DLGAP2: variants seen among roughly 807,000 people sequenced by gnomAD.
The protein encoded by DLGAP2 is disks large-associated protein 2.
DLGAP2 carries 26 observed loss-of-function variants against 100.3 expected under a neutral mutation model. The observed-to-expected ratio is 0.26, with a 90% CI of 0.19 to 0.36. The LOEUF is 0.36. Ranked by LOEUF, DLGAP2 falls within the 10% of genes least tolerant of loss-of-function variation. The probability of loss-of-function intolerance (pLI) is 1.00; values close to 1 mark genes in which losing one functional copy is unlikely to be tolerated. For synonymous variants in DLGAP2, 886 were observed against 630.1 expected (o/e 1.41, Z -6.08); for missense variants, 1,858 against 1,453.2 (o/e 1.28, Z -4.53).
intron 4 of DLGAP2, among the ~76,000 whole-genome samples, chr8:1,508,725 A>G (rs369899150): frequency 6.6e-6 from 1 of 150,778 alleles, no homozygotes; most frequent in East Asian, 2.1e-4. Context: ...CAGGAGGGAA[A>G]TGAACCCAGT....
At chr8:1,645,881 A>T (rs1289100008) in intron 8 of DLGAP2, among the ~76,000 whole-genome samples, 1 of 152,222 alleles carries the variant, frequency 6.6e-6, no homozygotes, top group Admixed American at 6.5e-5. Context: ...ATGGAAATGA[A>T]AGGGGAGTGG....
chr8:981,391 T>C (rs1438993306), intron 2 of DLGAP2, among the ~76,000 whole-genome samples: 1 of 152,166 alleles, frequency 6.6e-6, no homozygotes, highest in Non-Finnish European at 1.5e-5. Context: ...ACAACGACAC[T>C]GGTGTCCCAG....
chr8:1,540,843 C>G (rs1309869114), intron 4 of DLGAP2, among the ~76,000 whole-genome samples: 1 of 152,364 alleles, frequency 6.6e-6, no homozygotes, highest in East Asian at 1.9e-4. Context: ...TTTGAAACCA[C>G]ACAAACATCC....
intron 2 of DLGAP2, among the ~76,000 whole-genome samples, chr8:1,100,682 T>G (rs1585059074): frequency 6.6e-6 from 1 of 152,336 alleles, no homozygotes; most frequent in East Asian, 1.9e-4. Context: ...CTGATGAGTG[T>G]GTGAACTTGG....
chr8:1,336,208 T>C (rs1005231594), intron 3 of DLGAP2, among the ~76,000 whole-genome samples: 2 of 152,244 alleles, frequency 1.3e-5, no homozygotes, highest in Non-Finnish European at 2.9e-5. Flanking sequence ...TGGTTTTGAA[T>C]GTAACTATTT....
At chr8:1,456,267 C>A (rs774761142) in intron 3 of DLGAP2, among the ~76,000 whole-genome samples, 2 of 152,172 alleles carry the variant, frequency 1.3e-5, no homozygotes, top group Non-Finnish European at 2.9e-5. Context: ...TCATTGGCAG[C>A]ATTGTGGGTT....
chr8:1,325,850 A>G (rs1359961875), intron 3 of DLGAP2, among the ~76,000 whole-genome samples: 1 of 152,172 alleles, frequency 6.6e-6, no homozygotes, highest in Non-Finnish European at 1.5e-5. Context: ...CCGTCCATGG[A>G]GATGGCTTTC....
At chr8:1,257,857 T>C (rs1305040525) in intron 2 of DLGAP2, among the ~76,000 whole-genome samples, 1 of 152,170 alleles carries the variant, frequency 6.6e-6, no homozygotes, top group Non-Finnish European at 1.5e-5. Flanking sequence ...GGGCTCAGGG[T>C]CCTTGACACT....
At chr8:1,255,231 GTGTGTGTGCCCTCTC>G (rs1799167798) in intron 2 of DLGAP2, among the ~76,000 whole-genome samples, 1 of 92,316 alleles carries the variant, frequency 1.1e-5, no homozygotes, top group African/African-American at 6.6e-5. Context: ...CCTGGGTGCT[GTGTGTGTGCCCTCTC>G]ATCCTGCCCG....
At chr8:1,675,356 A>G (rs1160699530) in intron 10 of DLGAP2, among the ~76,000 whole-genome samples, 1 of 152,188 alleles carries the variant, frequency 6.6e-6, no homozygotes, top group East Asian at 1.9e-4. Context: ...CTGATCCGCC[A>G]GCTCTCTCCT....
intron 3 of DLGAP2, among the ~76,000 whole-genome samples, chr8:1,414,340 G>A (rs1796818764): frequency 6.6e-6 from 1 of 152,244 alleles, no homozygotes; most frequent in Non-Finnish European, 1.5e-5. Flanking sequence ...TCTGAAGGCT[G>A]TAGCCAGGGA....
In DLGAP2 at chr8:1,553,682, A is replaced by G. The variant is rs555127049; in HGVS notation, c.1230+3999A>G. 1.4e-4 allele frequency among the ~76,000 whole-genome samples: 21 copies of G among 152,280 alleles called. 1 individual carries two copies. The highest frequency in any genetic ancestry group is 9.2e-4 in the Admixed American group (14 of 15,292). On this transcript the variant is annotated intron_variant, in intron 5 of 14. Coordinates refer to ENST00000637795, the MANE Select transcript of DLGAP2 (RefSeq NM_001346810.2). ...GCTCCCGCCCTCTGCAGCCGGTCCCATCACTGAGTACTGACCTTTCCTTGC... is the reference window on the plus strand; with the variant it reads ...GCTCCCGCCCTCTGCAGCCGGTCCCGTCACTGAGTACTGACCTTTCCTTGC...
rs533719223 is a variant in DLGAP2 at position 1,088,538 on chromosome 8, T to C, written c.74-170313T>C. Among the ~76,000 whole-genome samples the C allele has an allele frequency of 2.6e-5, 4 of 152,290 alleles. No homozygotes were observed. In the East Asian group the frequency reaches 5.8e-4, roughly 22 times the overall value. On this transcript the variant is annotated intron_variant, in intron 2 of 14. Coordinates refer to ENST00000637795, the MANE Select transcript of DLGAP2 (RefSeq NM_001346810.2). ...AGATGGGATAAAGCTGTCAAATCTCTGACATGTGGTGCATCATCAGAGATT... is the reference window on the plus strand; with the variant it reads ...AGATGGGATAAAGCTGTCAAATCTCCGACATGTGGTGCATCATCAGAGATT...
intron 2 of DLGAP2, among the ~76,000 whole-genome samples, chr8:1,258,411 T>C (rs554707575): frequency 1.4e-5 from 2 of 146,006 alleles, no homozygotes; most frequent in South Asian, 2.2e-4. Context: ...TAGAGGGGAA[T>C]GTCACACACT....
At chr8:1,163,251 C>T (rs1051744429) in intron 2 of DLGAP2, among the ~76,000 whole-genome samples, 1 of 152,338 alleles carries the variant, frequency 6.6e-6, no homozygotes, top group Middle Eastern at 3.4e-3. Flanking sequence ...AATCGCCTCC[C>T]TCTGGGGAGT....
rs567185741 is a variant in DLGAP2 at position 1,477,051 on chromosome 8, A to G, written c.107-24315A>G. ...TATTCTCAGGTCATTCCTTCAGAGC[A>G]AAGCCTCCACCGCAGACACAATTAA... On this transcript the variant is annotated intron_variant, in intron 3 of 14. Coordinates refer to ENST00000637795, the MANE Select transcript of DLGAP2 (RefSeq NM_001346810.2). Among the ~76,000 whole-genome samples, 3 of 143,036 alleles carry G rather than the reference A, an allele frequency of 2.1e-5. No homozygotes were observed. The East Asian group carries it at 1.4e-3, about 69-fold the overall frequency. The allele number at this position is 143,036 out of a possible 152,430, so 93.8% of individuals were successfully genotyped here.
At chr8:1,015,103 CTCCACTGTGTGAGACCAGGACAGACGAT>C (rs1289783561) in intron 2 of DLGAP2, among the ~76,000 whole-genome samples, 13 of 26,814 alleles carry the variant, frequency 4.8e-4, no homozygotes, top group Admixed American at 5.6e-4. Context: ...GGACAGACGC[CTCCACTGTGTGAGACCAGGACAGACGAT>C]GCCTCCACTG....
intron 11 of DLGAP2, among the ~76,000 whole-genome samples, chr8:1,677,113 T>G (rs1190723791): frequency 1.3e-5 from 2 of 152,218 alleles, no homozygotes; most frequent in Admixed American, 6.5e-5. Context: ...AGTTTATATT[T>G]AAAATAGCAT....
chr8:839,819 A>T (rs934627678), intron 1 of DLGAP2, among the ~76,000 whole-genome samples: 4 of 152,126 alleles, frequency 2.6e-5, no homozygotes, highest in Non-Finnish European at 4.4e-5. Context: ...ATCTGTCTCC[A>T]CTGAGATGCC....
Sources: gnomAD v4.1 joint callset for allele counts (sites outside exome capture counted in the v4.1 genomes callset) on GRCh38, gnomAD v4.1.1 for gene constraint, MANE v1.5 for transcripts, NCBI Gene and HGNC (gene_info 2026-07-23, HGNC 2026-07-21) for gene names.